The following STK10 variants were observed in gnomAD, a reference collection of about 807,000 sequenced individuals.
STK10 encodes the protein serine/threonine-protein kinase 10.
In STK10, 78 loss-of-function variants were observed where a neutral mutation model predicts 113.8. The ratio of observed to expected loss-of-function variants is 0.69; its 90% CI spans 0.57 to 0.83. The LOEUF (loss-of-function observed/expected upper bound fraction) is 0.83. STK10 is among the 40% of genes least tolerant of loss of function. The probability of loss-of-function intolerance (pLI) is 0.00; values close to 1 mark genes in which losing one functional copy is unlikely to be tolerated. For missense variants in STK10, 1,109 were observed against 1,280.1 expected (o/e 0.87, Z 2.04); for synonymous variants, 465 against 494.7 (o/e 0.94, Z 0.80).
chr5:172,126,076 G>C (rs963866359), intron 3 of STK10, among the ~76,000 whole-genome samples: 4 of 152,012 alleles, frequency 2.6e-5, no homozygotes, highest in Non-Finnish European at 5.9e-5. Context: ...TCCTCTTCTG[G>C]GCCATCCCAG....
In STK10 at chr5:172,093,872, G is replaced by A. The variant is rs779604842; in HGVS notation, c.1094C>T (p.Pro365Leu). Residue 365 changes from proline (P) to leucine (L), a missense_variant, in exon 9 of 19, where the codon CCG becomes CTG. By Grantham distance (98) the Pro-to-Leu change is moderately conservative. This residue lies in a region of STK10 where 885 missense variants were observed against 991.1 expected (regional missense o/e 0.89). Coordinates refer to ENST00000176763, the MANE Select transcript of STK10 (RefSeq NM_005990.4). The surrounding 1 kb of genome is among the most constrained non-coding windows in gnomAD (Gnocchi z 4.1). ...GTCCTGAGACTGGCTGGGTGCCAGC[G>A]GGGTGGAAGGTGACTCCTCGAGAGG... The part of the protein sequence containing the change: ...DKPLEESPST[P>L]LAPSQSQDSV... 18 of 1,570,708 alleles carry A rather than the reference G, an allele frequency of 1.1e-5. No homozygotes were observed. The highest frequency in any genetic ancestry group is 6.8e-5 in the East Asian group (3 of 44,238).
intron 4 of STK10, chr5:172,115,028 G>A (rs559190683): frequency 1.3e-5 from 2 of 152,334 alleles, no homozygotes; most frequent in South Asian, 4.1e-4. Context: ...GATTCTCACA[G>A]GCTGGGCAGG....
At chr5:172,171,542 C>T (rs915536774) in intron 1 of STK10, among the ~76,000 whole-genome samples, 10 of 151,860 alleles carry the variant, frequency 6.6e-5, no homozygotes. Flanking sequence ...AGTGAAACTC[C>T]ATCTCTACTA....
At chr5:172,098,936 T>A (rs1344740871) in intron 7 of STK10, among the ~76,000 whole-genome samples, 3 of 149,734 alleles carry the variant, frequency 2.0e-5, no homozygotes, top group African/African-American at 7.5e-5. Context: ...ATTACCATCA[T>A]CACCACCACC....
intron 10 of STK10, among the ~76,000 whole-genome samples, chr5:172,088,993 A>C (rs1228840180): frequency 6.6e-6 from 1 of 152,134 alleles, no homozygotes; most frequent in Non-Finnish European, 1.5e-5. Context: ...TCCAAAATGT[A>C]GGTCAAATCT....
intron 1 of STK10, among the ~76,000 whole-genome samples, chr5:172,183,476 A>T (rs1434438069): frequency 1.4e-5 from 2 of 145,704 alleles, no homozygotes; most frequent in African/African-American, 5.2e-5. Context: ...TTTTTTTGAG[A>T]CAGAGTTTCA....
intron 12 of STK10, among the ~76,000 whole-genome samples, chr5:172,075,295 A>G (rs953565054): frequency 2.6e-4 from 39 of 152,246 alleles, no homozygotes; most frequent in African/African-American, 9.4e-4. Flanking sequence ...TGCATACAGA[A>G]TCTAAAAGGA....
At position 172,082,310 on chromosome 5, in the gene STK10, C is replaced by G; in HGVS notation, c.1989+16G>C. 6.6e-7 allele frequency: 1 copy of G among 1,513,178 alleles called. No individual in the cohort carries two copies. Among genetic ancestry groups the G allele is most frequent in the Non-Finnish European group, 8.8e-7 (1 of 1,130,712 alleles). 93.7% of individuals were successfully genotyped at this position (1,513,178 alleles called of 1,614,324 possible). A position where few individuals can be genotyped will look rare whatever the true frequency, so the allele number is the denominator to read the frequency against. On this transcript the variant is annotated intron_variant, in intron 12 of 18. Coordinates refer to ENST00000176763, the MANE Select transcript of STK10 (RefSeq NM_005990.4). This position sits in a 1 kb window ranked among gnomAD's most constrained non-coding sequence, Gnocchi z 4.3. Reference sequence around the variant, plus strand: ...ATACTCCGAGATGCCCCTGCCCCCACTGAGCACATACTCACCTCTTTCTTC... The same window carrying G: ...ATACTCCGAGATGCCCCTGCCCCCAGTGAGCACATACTCACCTCTTTCTTC...
intron 1 of STK10, among the ~76,000 whole-genome samples, chr5:172,161,371 T>C (rs1274443312): frequency 6.6e-6 from 1 of 151,778 alleles, no homozygotes; most frequent in African/African-American, 2.4e-5. Flanking sequence ...GAGAATCGCT[T>C]GAACCCAGGA....
intron 1 of STK10, among the ~76,000 whole-genome samples, chr5:172,162,732 G>T (rs1290740378): frequency 6.6e-6 from 1 of 152,140 alleles, no homozygotes; most frequent in African/African-American, 2.4e-5. Context: ...CTGGCCAAGG[G>T]CCCCCCTTCA....
At chr5:172,085,393 A>C (rs1268552489) in intron 10 of STK10, among the ~76,000 whole-genome samples, 1 of 152,208 alleles carries the variant, frequency 6.6e-6, no homozygotes, top group Non-Finnish European at 1.5e-5. Flanking sequence ...AAATCCATTA[A>C]AAATTGCTAT....
chr5:172,143,260 G>T (rs1216318925), intron 2 of STK10, among the ~76,000 whole-genome samples: 1 of 152,196 alleles, frequency 6.6e-6, no homozygotes, highest in Non-Finnish European at 1.5e-5. Context: ...CAGCTACTCG[G>T]GAGGCTGAGG....
intron 2 of STK10, among the ~76,000 whole-genome samples, chr5:172,138,509 A>T (rs921113154): frequency 1.3e-5 from 2 of 149,852 alleles, no homozygotes; most frequent in African/African-American, 4.9e-5. Flanking sequence ...TAATAAACAC[A>T]TTTAGTTGCA....
At position 172,153,291 on chromosome 5, in the gene STK10, A is replaced by AAGAAAGAAAGGAAAGAAAGGAAAGAAAG. The variant is rs1770278393; in HGVS notation, c.321+3332_321+3333insCTTTCTTTCCTTTCTTTCCTTTCTTTCT. On this transcript the variant is annotated intron_variant, in intron 2 of 18. Coordinates refer to ENST00000176763, the MANE Select transcript of STK10 (RefSeq NM_005990.4). ...ACAGGAGCAAAACTCCATCTCAAAAAGAAAGAAAGAAAGAAAGAAAGAAAG... is the reference window on the plus strand; with the variant it reads ...ACAGGAGCAAAACTCCATCTCAAAAAAGAAAGAAAGGAAAGAAAGGAAAGAAAGGAAAGAAAGAAAGAAAGAAAGAAAG... Among the ~76,000 whole-genome samples the AAGAAAGAAAGGAAAGAAAGGAAAGAAAG allele has an allele frequency of 1.3e-3, 7 of 5,266 alleles. 1 individual carries two copies. Among genetic ancestry groups the AAGAAAGAAAGGAAAGAAAGGAAAGAAAG allele is most frequent in the East Asian group, 3.0e-3 (1 of 328 alleles). 3.5% of individuals were successfully genotyped at this position (5,266 alleles called of 152,430 possible).
chr5:172,158,628 A>T, intron 1 of STK10, among the ~76,000 whole-genome samples: 1 of 152,188 alleles, frequency 6.6e-6, no homozygotes, highest in East Asian at 1.9e-4. Context: ...CTCCATCTCA[A>T]AACAAACAAA....
chr5:172,175,735 C>T (rs111396336), intron 1 of STK10, among the ~76,000 whole-genome samples: 92 of 152,224 alleles, frequency 6.0e-4, no homozygotes, highest in Non-Finnish European at 1.0e-3. Context: ...GTGGACTGCC[C>T]AACAAGCCCG....
chr5:172,133,638 T>A lies in STK10; in HGVS notation c.322-6217A>T, dbSNP rs1404301021. ...CAACTCTGATGGTTGCAGGAAACCA[T>A]GTTGCAACCACGAGAGAAGTGGGTG... On this transcript the variant is annotated intron_variant, in intron 2 of 18. Coordinates refer to ENST00000176763, the MANE Select transcript of STK10 (RefSeq NM_005990.4). The surrounding 1 kb of genome is among the most constrained non-coding windows in gnomAD (Gnocchi z 4.9). Among the ~76,000 whole-genome samples the A allele has an allele frequency of 6.6e-6, 1 of 152,136 alleles. No individual in the cohort carries two copies. The highest frequency in any genetic ancestry group is 1.5e-5 in the Non-Finnish European group (1 of 68,036).
intron 1 of STK10, among the ~76,000 whole-genome samples, chr5:172,175,337 A>AGCAGAGAGAAAGGGGAAGAG (rs1770739683): frequency 6.6e-6 from 1 of 152,148 alleles, no homozygotes; most frequent in African/African-American, 2.4e-5. Context: ...TCACAGGGGA[A>AGCAGAGAGAAAGGGGAAGAG]GCAGAGAGAA....
chr5:172,104,806 C>T (rs1245227689), intron 7 of STK10, among the ~76,000 whole-genome samples: 1 of 152,200 alleles, frequency 6.6e-6, no homozygotes, highest in Non-Finnish European at 1.5e-5. Flanking sequence ...TGGAATACCT[C>T]CTTTCCTTCT....
Sources: allele counts gnomAD v4.1 joint callset (sites outside exome capture counted in the v4.1 genomes callset), GRCh38; gene constraint gnomAD v4.1.1; regional missense constraint gnomAD v4.1.1; non-coding constraint Gnocchi (gnomAD v3.1); transcripts MANE v1.5; gene names NCBI Gene and HGNC (gene_info 2026-07-23, HGNC 2026-07-21).